The following NBEAL1 variants were observed in gnomAD, a reference collection of about 807,000 sequenced individuals.
NBEAL1 encodes the protein neurobeachin like 1.
NBEAL1 carries 273 observed loss-of-function variants against 351.3 expected under a neutral mutation model. That is an observed-to-expected ratio of 0.78 (90% CI 0.70 to 0.86). NBEAL1 has a LOEUF of 0.86. Ranked by LOEUF, NBEAL1 falls within the 40% of genes least tolerant of loss-of-function variation. The pLI is 0.00. For missense variants in NBEAL1, 2,961 were observed against 3,201.3 expected (o/e 0.92, Z 1.81); for synonymous variants, 1,050 against 1,086.4 (o/e 0.97, Z 0.66).
At chr2:203,159,464 G>A (rs1333896276) in intron 36 of NBEAL1, among the ~76,000 whole-genome samples, 1 of 151,872 alleles carries the variant, frequency 6.6e-6, no homozygotes, top group Non-Finnish European at 1.5e-5. Context: ...CCTACAATTT[G>A]TATCTGGCTT....
chr2:203,179,655 C>G (rs2064638392), intron 42 of NBEAL1, among the ~76,000 whole-genome samples: 1 of 152,196 alleles, frequency 6.6e-6, no homozygotes, highest in African/African-American at 2.4e-5. Context: ...GTGATTAAAT[C>G]AGCAGCGTTC....
intron 18 of NBEAL1, among the ~76,000 whole-genome samples, chr2:203,121,911 G>T (rs902978948): frequency 3.3e-5 from 5 of 151,600 alleles, no homozygotes; most frequent in Admixed American, 6.6e-5. Context: ...TCAGCCTCCC[G>T]AGTAGCTGGG....
intron 2 of NBEAL1, among the ~76,000 whole-genome samples, chr2:203,028,352 T>A (rs1241650679): frequency 6.6e-6 from 1 of 151,992 alleles, no homozygotes; most frequent in Non-Finnish European, 1.5e-5. Flanking sequence ...TAAGAAAAAA[T>A]AGTAATATTT....
At chr2:203,158,572 A>G (rs1448371022) in intron 36 of NBEAL1, among the ~76,000 whole-genome samples, 1 of 152,166 alleles carries the variant, frequency 6.6e-6, no homozygotes, top group African/African-American at 2.4e-5. Context: ...TGTCATACGT[A>G]TTACATTTCT....
At chr2:203,072,930 A>T (rs1012212877) in intron 7 of NBEAL1, among the ~76,000 whole-genome samples, 2 of 152,200 alleles carry the variant, frequency 1.3e-5, no homozygotes, top group Non-Finnish European at 2.9e-5. Flanking sequence ...TGGCTCAAAC[A>T]ACAATACTGG....
chr2:203,095,065 G>A (rs1317274132), intron 10 of NBEAL1, among the ~76,000 whole-genome samples: 4 of 151,568 alleles, frequency 2.6e-5, no homozygotes, highest in African/African-American at 7.3e-5. Context: ...TGGAGGTTGC[G>A]GTGAGCCGAG....
intron 39 of NBEAL1, among the ~76,000 whole-genome samples, chr2:203,170,304 G>A (rs533981325): frequency 9.9e-4 from 151 of 152,156 alleles, no homozygotes; most frequent in African/African-American, 3.4e-3. Context: ...CCGGGGAGGC[G>A]GAGGTTGTGG....
At chr2:203,115,134 T>C (rs987283103) in intron 17 of NBEAL1, among the ~76,000 whole-genome samples, 4 of 150,564 alleles carry the variant, frequency 2.7e-5, no homozygotes, top group African/African-American at 4.9e-5. Flanking sequence ...TTCTTTCTTT[T>C]TTTTTTTTTT....
intron 31 of NBEAL1, among the ~76,000 whole-genome samples, chr2:203,141,360 ATTATTATTTTTTT>A (rs2063366135): frequency 1.5e-4 from 2 of 13,636 alleles, no homozygotes; most frequent in Non-Finnish European, 3.6e-4. Context: ...TATTATTATT[ATTATTATTTTTTT>A]TTTTTTTTTT....
chr2:203,167,108 T>C, intron 37 of NBEAL1, 119 bp from the exon 38 acceptor site: 1 of 873,804 alleles, frequency 1.1e-6, no homozygotes, highest in Admixed American at 2.6e-5. Flanking sequence ...ATGGTTTATA[T>C]AGTACAGAAA....
intron 54 of NBEAL1, among the ~76,000 whole-genome samples, chr2:203,212,319 G>T (rs1430558682): frequency 1.3e-5 from 2 of 151,938 alleles, no homozygotes; most frequent in Non-Finnish European, 2.9e-5. Flanking sequence ...TTTAAGACTA[G>T]TTGGAAGCTG....
At chr2:203,092,859 A>AATAGTAAAG (rs2062093251) in intron 10 of NBEAL1, among the ~76,000 whole-genome samples, 1 of 152,222 alleles carries the variant, frequency 6.6e-6, no homozygotes, top group Admixed American at 6.5e-5. Context: ...ATCAAAATCA[A>AATAGTAAAG]ATAGTAAAGA....
chr2:203,216,259 T>G (rs1309896008), intron 55 of NBEAL1, among the ~76,000 whole-genome samples: 1 of 150,580 alleles, frequency 6.6e-6, no homozygotes, highest in Non-Finnish European at 1.5e-5. Flanking sequence ...TATGCTCTCC[T>G]TGTTTTCTAC....
chr2:203,122,331 C>T lies in NBEAL1; in HGVS notation c.2670C>T (p.Asn890=), dbSNP rs1384993046. The T allele has an allele frequency of 2.0e-6, 3 of 1,528,484 alleles. No individual in the cohort carries two copies. Among genetic ancestry groups the T allele is most frequent in the African/African-American group, 2.8e-5 (2 of 72,382 alleles). The allele number at this position is 1,528,484 out of a possible 1,614,324, so 94.7% of individuals were successfully genotyped here. A position where few individuals can be genotyped will look rare whatever the true frequency, so the allele number is the denominator to read the frequency against. Residue 890 remains asparagine (N), a synonymous_variant, in exon 19 of 56, where the codon AAC becomes AAT. Transcript: ENST00000683969. ...HGRLTGNKVV[N]WDIKDIINCI... ...GATTAACAGGAAACAAAGTAGTGAACTGGGACATTAAGGTAAATTAATAGT... is the reference window on the plus strand; with the variant it reads ...GATTAACAGGAAACAAAGTAGTGAATTGGGACATTAAGGTAAATTAATAGT...
At position 203,223,959 on chromosome 2, in the gene NBEAL1, T is replaced by C. The variant is rs1459590987; in HGVS notation, c.*6605T>C. Among the ~76,000 whole-genome samples, 3 of 152,078 alleles carry C rather than the reference T, an allele frequency of 2.0e-5. No individual in the cohort carries two copies. Among genetic ancestry groups the C allele is most frequent in the African/African-American group, 7.2e-5 (3 of 41,452 alleles). On this transcript the variant is annotated 3_prime_UTR_variant, in exon 56 of 56. Coordinates refer to ENST00000683969, the MANE Select transcript of NBEAL1 (RefSeq NM_001378026.1). ...GTAGGATATCAGTAGTCAGACTTAATTGAAAAACTGTCAGCGTCTGTTTTG... is the reference window on the plus strand; with the variant it reads ...GTAGGATATCAGTAGTCAGACTTAACTGAAAAACTGTCAGCGTCTGTTTTG...
intron 24 of NBEAL1, among the ~76,000 whole-genome samples, chr2:203,129,732 A>G (rs1233613073): frequency 6.6e-6 from 1 of 152,238 alleles, no homozygotes; most frequent in Non-Finnish European, 1.5e-5. Flanking sequence ...ACAAAGTTCT[A>G]TGAGGTTTTC....
rs781024082 is a variant in NBEAL1, at chr2:203,062,313, T to C, written c.515+4860T>C. 1 of 481,826 alleles carries C rather than the reference T, an allele frequency of 2.1e-6. No homozygotes were observed. Among genetic ancestry groups the C allele is most frequent in the Admixed American group, 2.2e-5 (1 of 44,856 alleles). The allele number at this position is 481,826 out of a possible 1,614,324, so 29.8% of individuals were successfully genotyped here. ...TCCTGAAGGTTTCCTGCGTCACATC[T>C]CTATAAGAGTTTCTTCTGGGAAAAA... On this transcript the variant is annotated intron_variant, in intron 6 of 55. Coordinates refer to ENST00000683969, the MANE Select transcript of NBEAL1 (RefSeq NM_001378026.1). The surrounding 1 kb of genome is among the most constrained non-coding windows in gnomAD (Gnocchi z 4.2).
Position 203,112,998 on chromosome 2 carries a change from T to G in NBEAL1, c.2203-17T>G. 2 of 1,426,972 alleles carry G rather than the reference T, an allele frequency of 1.4e-6. No individual in the cohort carries two copies. Among genetic ancestry groups the G allele is most frequent in the Non-Finnish European group, 1.8e-6 (2 of 1,086,066 alleles). 88.4% of individuals were successfully genotyped at this position (1,426,972 alleles called of 1,614,324 possible). A position where few individuals can be genotyped will look rare whatever the true frequency, so the allele number is the denominator to read the frequency against. ...ATATGTTAATTAAAATTGTGTAATT[T>G]GTTTGTTTGTTTTTAGCCCTTTACT... On this transcript the variant is annotated splice_polypyrimidine_tract_variant and intron_variant, in intron 16 of 55. Coordinates refer to ENST00000683969, the MANE Select transcript of NBEAL1 (RefSeq NM_001378026.1).
chr2:203,157,802 GGATATAACAGCTAGA>G lies in NBEAL1; in HGVS notation c.5693_5707del (p.Asp1898_Arg1902del). On this transcript the variant is annotated inframe_deletion, in exon 36 of 56. Transcript: ENST00000683969. ...AGGATAAATTAGACCTTCCTGAAGA[GGATATAACAGCTAGA>G]GTAAATGTGTATGTATAAATATTTA... 1 of 1,571,410 alleles carries G rather than the reference GGATATAACAGCTAGA, an allele frequency of 6.4e-7. No homozygotes were observed. The highest frequency in any genetic ancestry group is 1.2e-5 in the South Asian group (1 of 82,924).
Sources: gnomAD v4.1 joint callset for allele counts (sites outside exome capture counted in the v4.1 genomes callset) on GRCh38, gnomAD v4.1.1 for gene constraint, Gnocchi (gnomAD v3.1) non-coding constraint, MANE v1.5 for transcripts, NCBI Gene and HGNC (gene_info 2026-07-23, HGNC 2026-07-21) for gene names.